The following STPG2 variants were observed in gnomAD, a reference collection of about 807,000 sequenced individuals.
The protein encoded by STPG2 is sperm tail PG-rich repeat containing 2.
Under a neutral mutation model 54.2 loss-of-function variants are expected in STPG2, and 56 were observed. That is an observed-to-expected ratio of 1.03 (90% CI 0.83 to 1.29). The LOEUF (loss-of-function observed/expected upper bound fraction) is 1.29, where lower values mean the gene tolerates loss of function less well. STPG2 is among the 50% of genes most tolerant of loss of function. The pLI, the probability that STPG2 is intolerant of heterozygous loss-of-function variation, is 0.00. For synonymous variants in STPG2, 200 were observed against 181.8 expected (o/e 1.10, Z -0.81); for missense variants, 596 against 544.9 (o/e 1.09, Z -0.93).
intron 10 of STPG2, among the ~76,000 whole-genome samples, chr4:97,613,258 T>C (rs559425466): frequency 6.6e-6 from 1 of 152,202 alleles, no homozygotes; most frequent in East Asian, 1.9e-4. Context: ...TCTTTCCTTA[T>C]CATGACCTTG....
intron 8 of STPG2, chr4:97,916,665 G>A (rs1476282047): frequency 1.3e-5 from 2 of 152,798 alleles, no homozygotes; most frequent in Non-Finnish European, 2.9e-5. Flanking sequence ...GAGCCTCCAG[G>A]AAGACGTCTC....
intron 9 of STPG2, among the ~76,000 whole-genome samples, chr4:97,731,032 G>C (rs1471251701): frequency 6.6e-6 from 1 of 152,164 alleles, no homozygotes; most frequent in African/African-American, 2.4e-5. Context: ...AGGAACCATT[G>C]CTGGGAGCCA....
chr4:97,517,350 A>C (rs925488229), intron 4 of STPG2, among the ~76,000 whole-genome samples: 1 of 152,136 alleles, frequency 6.6e-6, no homozygotes, highest in Non-Finnish European at 1.5e-5. Context: ...TATCAAAAAA[A>C]TTACTGGGCT....
intron 9 of STPG2, among the ~76,000 whole-genome samples, chr4:97,791,834 C>G (rs1399553377): frequency 6.6e-6 from 1 of 151,300 alleles, no homozygotes; most frequent in South Asian, 2.1e-4. Flanking sequence ...AAAAAAAGTA[C>G]GTTGATGAAA....
chr4:97,928,412 C>T (rs1187685947), intron 8 of STPG2, among the ~76,000 whole-genome samples: 1 of 152,082 alleles, frequency 6.6e-6, no homozygotes, highest in South Asian at 2.1e-4. Flanking sequence ...AATACAGATA[C>T]CAGTACATCA....
intron 10 of STPG2, among the ~76,000 whole-genome samples, chr4:97,651,507 G>A (rs373334258): frequency 2.6e-5 from 4 of 152,000 alleles, no homozygotes; most frequent in South Asian, 4.1e-4. Context: ...CATCAAGGTA[G>A]AATTTGAATT....
At position 97,451,932 on chromosome 4, in the gene STPG2, G is replaced by A. The variant is rs114883329; in HGVS notation, c.462+260767C>T. 5.3e-3 allele frequency among the ~76,000 whole-genome samples: 804 copies of A among 152,262 alleles called. 5 individuals are homozygous for A. The highest frequency in any genetic ancestry group is 0.018 in the African/African-American group (763 of 41,566). On this transcript the variant is annotated intron_variant, in intron 4 of 4. Coordinates refer to the STPG2 transcript ENST00000522676. Reference sequence around the variant, plus strand: ...TCCAGACAGCCTGTGGCTGCCATCAGGTATGCTGCACCAGGGAGGTGCAGC... The same window carrying A: ...TCCAGACAGCCTGTGGCTGCCATCAAGTATGCTGCACCAGGGAGGTGCAGC...
At chr4:97,748,494 T>G (rs1288940024) in intron 9 of STPG2, among the ~76,000 whole-genome samples, 1 of 151,502 alleles carries the variant, frequency 6.6e-6, no homozygotes, top group Non-Finnish European at 1.5e-5. Flanking sequence ...TTGTAAAAAT[T>G]TCTGATTATA....
chr4:97,667,971 T>C (rs1722578003), intron 10 of STPG2, among the ~76,000 whole-genome samples: 2 of 152,212 alleles, frequency 1.3e-5, no homozygotes, highest in Non-Finnish European at 2.9e-5. Context: ...AACAGTGATT[T>C]ATTTATATAA....
At chr4:97,952,516 G>C (rs2162369) in intron 7 of STPG2, among the ~76,000 whole-genome samples, 1 of 152,034 alleles carries the variant, frequency 6.6e-6, no homozygotes, top group African/African-American at 2.4e-5. Context: ...GTCCCTGAGA[G>C]CCAGGCCACT....
intron 9 of STPG2, among the ~76,000 whole-genome samples, chr4:97,808,849 A>T (rs1727652208): frequency 6.6e-6 from 1 of 152,094 alleles, no homozygotes; most frequent in Non-Finnish European, 1.5e-5. Flanking sequence ...ACATGCATAC[A>T]CAGACTCTCA....
At chr4:97,723,930 C>T (rs758646768) in intron 9 of STPG2, among the ~76,000 whole-genome samples, 40 of 152,162 alleles carry the variant, frequency 2.6e-4, no homozygotes, top group Non-Finnish European at 3.4e-4. Flanking sequence ...GTGGTGATTA[C>T]AATTTGAGAT....
chr4:97,666,148 G>T (rs917295275), intron 10 of STPG2, among the ~76,000 whole-genome samples: 1 of 152,150 alleles, frequency 6.6e-6, no homozygotes, highest in African/African-American at 2.4e-5. Context: ...TTAGGTGGCT[G>T]CAGTTGCACC....
At chr4:97,935,302 C>T (rs970121726) in intron 8 of STPG2, among the ~76,000 whole-genome samples, 8 of 151,970 alleles carry the variant, frequency 5.3e-5, no homozygotes, top group Middle Eastern at 3.4e-3. Context: ...GAAGTTTCTT[C>T]ATAGTTTCAA....
intron 5 of STPG2, among the ~76,000 whole-genome samples, chr4:98,039,280 A>G (rs1191724309): frequency 5.9e-5 from 9 of 151,864 alleles, no homozygotes; most frequent in African/African-American, 2.2e-4. Context: ...CTGGAGGAAA[A>G]CTAATTAAAA....
intron 8 of STPG2, among the ~76,000 whole-genome samples, chr4:97,870,263 C>T (rs1839903): frequency 0.68 from 102,592 of 151,112 alleles, 36,310 homozygotes; most frequent in African/African-American, 0.9. Flanking sequence ...CACATTTTCA[C>T]GAAAATGTGA....
intron 1 of STPG2, among the ~76,000 whole-genome samples, chr4:98,139,422 A>G (rs1209224791): frequency 6.6e-6 from 1 of 152,164 alleles, no homozygotes; most frequent in Non-Finnish European, 1.5e-5. Flanking sequence ...CAAAATAACA[A>G]GTAAGTTATA....
chr4:97,802,516 G>A (rs1727431821), intron 9 of STPG2, among the ~76,000 whole-genome samples: 2 of 152,016 alleles, frequency 1.3e-5, no homozygotes, highest in Non-Finnish European at 2.9e-5. Flanking sequence ...GGTTGCCTGG[G>A]TTGGAGTGCA....
intron 10 of STPG2, among the ~76,000 whole-genome samples, chr4:97,702,773 G>A (rs1259436193): frequency 6.6e-6 from 1 of 152,130 alleles, no homozygotes; most frequent in East Asian, 1.9e-4. Flanking sequence ...CCCATTCAAA[G>A]TTGTAGGGTC....
Sources: gnomAD v4.1 joint callset for allele counts (sites outside exome capture counted in the v4.1 genomes callset) on GRCh38, gnomAD v4.1.1 for gene constraint, MANE v1.5 for transcripts, NCBI Gene and HGNC (gene_info 2026-07-23, HGNC 2026-07-21) for gene names.